Variants in ZDHHC11B observed in about 807,000 individuals in gnomAD.
ZDHHC11B encodes the protein zDHHC palmitoyltransferase 11B (putative), also known as probable palmitoyltransferase ZDHHC11B.
In ZDHHC11B, 17 loss-of-function variants were observed where a neutral mutation model predicts 42.3. The ratio of observed to expected loss-of-function variants is 0.40; its 90% CI spans 0.27 to 0.60. The LOEUF (loss-of-function observed/expected upper bound fraction) is 0.60, where lower values mean the gene tolerates loss of function less well. ZDHHC11B is among the 20% of genes least tolerant of loss of function. ZDHHC11B has a pLI of 0.41. For missense variants in ZDHHC11B, 262 were observed against 463.2 expected, an observed-to-expected ratio of 0.57 and a Z score of 3.99; for synonymous variants, 123 against 193.5, an observed-to-expected ratio of 0.64 and a Z score of 3.02.
intron 1 of ZDHHC11B, among the ~76,000 whole-genome samples, chr5:783,678 C>CA (rs1737026757): frequency 6.9e-6 from 1 of 145,330 alleles, no homozygotes; most frequent in African/African-American, 2.6e-5. Flanking sequence ...CAGCAGCCCC[C>CA]AAACCCCTAT....
intron 13 of ZDHHC11B, among the ~76,000 whole-genome samples, chr5:714,543 C>T (rs1479379727): frequency 8.5e-6 from 1 of 117,494 alleles, no homozygotes; most frequent in African/African-American, 3.3e-5. Flanking sequence ...CCTAGGAAGA[C>T]CAGATGCTTT....
chr5:716,559 T>C (rs558118729), intron 13 of ZDHHC11B, among the ~76,000 whole-genome samples: 42 of 151,890 alleles, frequency 2.8e-4, no homozygotes, highest in Non-Finnish European at 5.6e-4. Flanking sequence ...GTTCAATCTA[T>C]ACATTGTTTA....
chr5:742,201 C>G (rs1338528437), intron 9 of ZDHHC11B, among the ~76,000 whole-genome samples: 3 of 137,338 alleles, frequency 2.2e-5, no homozygotes, highest in Non-Finnish European at 4.7e-5. Flanking sequence ...TCAGGCTGGT[C>G]TTGAACTCCT....
Position 763,514 on chromosome 5 carries a change from T to C in ZDHHC11B, c.222+3184A>G, listed in dbSNP as rs1402804943. ...TTCCCACAAGGGAGACTGTTGCACT[T>C]GGGGAAAAATCCAGCCAAGTCTAGA... is the stretch of plus-strand genomic sequence containing the variant. On this transcript the variant is annotated intron_variant, in intron 4 of 13. Transcript: ENST00000508859. 7.9e-5 allele frequency among the ~76,000 whole-genome samples: 12 copies of C among 151,790 alleles called. 1 individual carries two copies. The highest frequency in any genetic ancestry group is 1.6e-4 in the Non-Finnish European group (11 of 67,896).
intron 1 of ZDHHC11B, among the ~76,000 whole-genome samples, chr5:773,346 G>A (rs61212052): frequency 0.16 from 23,398 of 148,832 alleles, 555 homozygotes; most frequent in African/African-American, 0.25. Flanking sequence ...CAGAGGCTCT[G>A]CTCTTTCACC....
chr5:730,597 T>C, intron 11 of ZDHHC11B, 129 bp from the exon 12 acceptor site: 2 of 1,042,648 alleles, frequency 1.9e-6, no homozygotes, highest in Non-Finnish European at 2.6e-6. Flanking sequence ...AATGCCTGGA[T>C]CATGGAATAG....
At chr5:776,312 C>T (rs1736476699) in intron 1 of ZDHHC11B, among the ~76,000 whole-genome samples, 1 of 151,892 alleles carries the variant, frequency 6.6e-6, no homozygotes, top group African/African-American at 2.4e-5. Flanking sequence ...GCACCGAAGC[C>T]CTGGGATGGC....
At chr5:758,388 T>C (rs1367714270) in intron 4 of ZDHHC11B, among the ~76,000 whole-genome samples, 1 of 151,952 alleles carries the variant, frequency 6.6e-6, no homozygotes, top group African/African-American at 2.4e-5. Flanking sequence ...CACATCCGAC[T>C]GCAGCCTCAC....
chr5:763,738 T>A (rs1734927023), intron 4 of ZDHHC11B, among the ~76,000 whole-genome samples: 1 of 151,878 alleles, frequency 6.6e-6, no homozygotes, highest in Non-Finnish European at 1.5e-5. Flanking sequence ...ATACAGGATG[T>A]TAAGAAATGG....
At chr5:727,968 G>A (rs1397635422) in intron 12 of ZDHHC11B, among the ~76,000 whole-genome samples, 1 of 151,022 alleles carries the variant, frequency 6.6e-6, no homozygotes, top group African/African-American at 2.4e-5. Context: ...CAAAAGACAC[G>A]ATAAACACAA....
intron 1 of ZDHHC11B, among the ~76,000 whole-genome samples, chr5:780,668 G>A (rs1579474586): frequency 1.4e-5 from 2 of 143,584 alleles, no homozygotes; most frequent in South Asian, 4.3e-4. Flanking sequence ...TGTGCCAGGT[G>A]CCAGGTGGGG....
intron 11 of ZDHHC11B, among the ~76,000 whole-genome samples, chr5:730,743 G>A (rs1261677942): frequency 6.6e-6 from 1 of 151,702 alleles, no homozygotes; most frequent in Non-Finnish European, 1.5e-5. Context: ...ACAGGGTCTT[G>A]AAAGAGGTAA....
Position 733,757 on chromosome 5 carries a change from C to A in ZDHHC11B, c.1018G>T (p.Ala340Ser), listed in dbSNP as rs748794828. The change falls in exon 11 of 14, where the codon GCA (alanine) becomes TCA (serine). Residue 340 changes from alanine (A) to serine (S), a missense_variant. Physicochemically the swap from Ala to Ser is moderately conservative, Grantham distance 99 (BLOSUM62 1). Transcript: ENST00000508859. ...TGCTGGTGACTGCAACTTACCTGTG[C>A]CTTCGAATCCCCGTCCTGGTTTACT... The part of the protein sequence containing the change: ...TSVNQDGDSK[A>S]QEADDAPSTS... 9.3e-6 allele frequency: 15 copies of A among 1,610,612 alleles called. No homozygotes were observed. The African/African-American group carries it at 2.0e-4, about 22-fold the overall frequency.
At chr5:731,388 C>A (rs1175492021) in intron 11 of ZDHHC11B, among the ~76,000 whole-genome samples, 1 of 149,490 alleles carries the variant, frequency 6.7e-6, no homozygotes, top group Non-Finnish European at 1.5e-5. Context: ...TGGATGGTAC[C>A]CTTAATCTGC....
At chr5:732,778 C>T (rs1299489066) in intron 11 of ZDHHC11B, 3 of 317,940 alleles carry the variant, frequency 9.4e-6, no homozygotes, top group African/African-American at 6.5e-5. Flanking sequence ...GCCTCTAATC[C>T]CTGTGCTATT....
chr5:712,928 G>GTGTA (rs376229478), intron 13 of ZDHHC11B, among the ~76,000 whole-genome samples: 14 of 142,642 alleles, frequency 9.8e-5, no homozygotes, highest in South Asian at 2.3e-4. Context: ...GTGTGTGTGT[G>GTGTA]TATATATATA....
intron 12 of ZDHHC11B, among the ~76,000 whole-genome samples, chr5:722,100 C>T (rs1290207360): frequency 1.3e-5 from 2 of 151,734 alleles, no homozygotes; most frequent in South Asian, 2.1e-4. Context: ...AAAATCAAAA[C>T]TGAAAACCCT....
In ZDHHC11B at chr5:733,782, T is replaced by C. The variant is rs1743265100; in HGVS notation, c.993A>G (p.Ser331=). The change falls in exon 11 of 14, where the codon TCA becomes TCG. Residue 331 remains serine, a synonymous_variant. Coordinates refer to ENST00000508859, the MANE Select transcript of ZDHHC11B (RefSeq NM_001351303.2). The part of the protein sequence containing the change: ...IYKCPCHFCT[S]VNQDGDSKAQ... ...CCTTCGAATCCCCGTCCTGGTTTACTGAAGTGCAGAAGTGACATGGGCATT... is the reference window on the plus strand; with the variant it reads ...CCTTCGAATCCCCGTCCTGGTTTACCGAAGTGCAGAAGTGACATGGGCATT... The C allele has an allele frequency of 1.2e-6, 2 of 1,611,406 alleles. No homozygotes were observed. The highest frequency in any genetic ancestry group is 1.7e-6 in the Non-Finnish European group (2 of 1,179,434).
chr5:777,324 G>A (rs140302968), intron 1 of ZDHHC11B, among the ~76,000 whole-genome samples: 1 of 151,834 alleles, frequency 6.6e-6, no homozygotes, highest in South Asian at 2.1e-4. Context: ...TCAGTGGTGA[G>A]TGTTACTTAC....
Sources: allele counts gnomAD v4.1 joint callset (sites outside exome capture counted in the v4.1 genomes callset), GRCh38; gene constraint gnomAD v4.1.1; transcripts MANE v1.5; gene names NCBI Gene and HGNC (gene_info 2026-07-23, HGNC 2026-07-21).